NYAP2: variants seen among roughly 807,000 people sequenced by gnomAD.
NYAP2 encodes the protein neuronal tyrosine-phosphorylated phosphoinositide-3-kinase adapter 2.
NYAP2 carries 23 observed loss-of-function variants against 50.4 expected under a neutral mutation model. The ratio of observed to expected loss-of-function variants is 0.46; its 90% CI spans 0.33 to 0.65. The LOEUF (loss-of-function observed/expected upper bound fraction) is 0.65. NYAP2 is among the 30% of genes least tolerant of loss of function. The pLI is 0.02. For missense variants in NYAP2, 885 were observed against 861.0 expected, an observed-to-expected ratio of 1.03 and a Z score of -0.35; for synonymous variants, 394 against 365.2, an observed-to-expected ratio of 1.08 and a Z score of -0.90.
chr2:225,398,109 A>T (rs73994737), upstream of NYAP2, among the ~76,000 whole-genome samples: 2,435 of 152,036 alleles, frequency 0.016, 70 homozygotes, highest in African/African-American at 0.056. Flanking sequence ...TATGCTTGGC[A>T]ACTGTATGTC....
At chr2:225,400,869 C>A (rs1251947067) in exon 2 of NYAP2, 1 of 152,526 alleles carries the variant, frequency 6.6e-6, no homozygotes, top group Admixed American at 6.6e-5. Context: ...CTTTTCCCAT[C>A]CAGACACAAT....
At chr2:225,473,029 A>G (rs1690037862) in intron 3 of NYAP2, among the ~76,000 whole-genome samples, 2 of 152,134 alleles carry the variant, frequency 1.3e-5, no homozygotes, top group African/African-American at 4.8e-5. Flanking sequence ...TCATTGTTCA[A>G]TTCCCACATA....
At chr2:225,517,947 A>G (rs888061993) in intron 4 of NYAP2, among the ~76,000 whole-genome samples, 1 of 152,138 alleles carries the variant, frequency 6.6e-6, no homozygotes, top group African/African-American at 2.4e-5. Context: ...TAGAACTACC[A>G]TGTGATCCAG....
chr2:225,658,434 G>C (rs879461905), downstream of NYAP2, among the ~76,000 whole-genome samples: 22 of 152,098 alleles, frequency 1.4e-4, no homozygotes, highest in East Asian at 1.5e-3. Flanking sequence ...AAGAAATTAT[G>C]CTACAAAGAA....
chr2:225,617,562 C>CA (rs914486902), intron 5 of NYAP2, among the ~76,000 whole-genome samples: 15 of 151,846 alleles, frequency 9.9e-5, no homozygotes, highest in Non-Finnish European at 8.8e-5. Context: ...TTAAATATTG[C>CA]AAAAAAATAG....
chr2:225,565,197 T>C (rs748774400), intron 4 of NYAP2, among the ~76,000 whole-genome samples: 10 of 152,184 alleles, frequency 6.6e-5, no homozygotes, highest in Non-Finnish European at 1.2e-4. Context: ...GCATATGCTG[T>C]GATTTACTCC....
intron 3 of NYAP2, among the ~76,000 whole-genome samples, chr2:225,472,573 C>T (rs1358979566): frequency 6.6e-6 from 1 of 152,070 alleles, no homozygotes; most frequent in Non-Finnish European, 1.5e-5. Context: ...TAATTATGAC[C>T]CTGAGTAGTC....
At chr2:225,597,763 A>G (rs1559225838) in intron 5 of NYAP2, among the ~76,000 whole-genome samples, 1 of 151,586 alleles carries the variant, frequency 6.6e-6, no homozygotes, top group Non-Finnish European at 1.5e-5. Flanking sequence ...TTTACCTCAT[A>G]GGATTGTTGT....
chr2:225,574,918 T>A (rs1019724376), intron 4 of NYAP2, among the ~76,000 whole-genome samples: 6 of 152,152 alleles, frequency 3.9e-5, no homozygotes, highest in African/African-American at 1.4e-4. Context: ...CTGAGGCTTG[T>A]TTTCATTTTG....
At chr2:225,406,445 C>G (rs1694940693) in intron 2 of NYAP2, among the ~76,000 whole-genome samples, 1 of 151,848 alleles carries the variant, frequency 6.6e-6, no homozygotes, top group Admixed American at 6.6e-5. Context: ...TAAATCAACA[C>G]TAGTCACAAG....
rs141772171 is a variant in NYAP2, at chr2:225,500,408, G to C, written c.222-12963G>C. ...GTAGTTCATTTTTCACAATGATTCC[G>C]TAAATACATGGCTAGGATTTCTGGA... is the stretch of plus-strand genomic sequence containing the variant. On this transcript the variant is annotated intron_variant, in intron 3 of 6. Transcript: ENST00000636099. Among the ~76,000 whole-genome samples, 5 of 152,132 alleles carry C rather than the reference G, an allele frequency of 3.3e-5. No individual in the cohort carries two copies. In the East Asian group the frequency reaches 9.6e-4, roughly 29 times the overall value.
At chr2:225,589,063 C>A (rs1692442187) in intron 5 of NYAP2, among the ~76,000 whole-genome samples, 1 of 152,148 alleles carries the variant, frequency 6.6e-6, no homozygotes, top group Non-Finnish European at 1.5e-5. Context: ...CTCCTCTTCT[C>A]TTTTCACTCT....
chr2:225,455,421 A>C (rs974936113), intron 3 of NYAP2, among the ~76,000 whole-genome samples: 1 of 152,240 alleles, frequency 6.6e-6, no homozygotes, highest in African/African-American at 2.4e-5. Context: ...ACAATATACT[A>C]TTTAATGCCA....
At chr2:225,694,382 A>G in the NYAP2 span, among the ~76,000 whole-genome samples, 11,553 of 151,916 alleles carry the variant, frequency 0.076, 499 homozygotes, top group East Asian at 0.24. Flanking sequence ...TTTTATGGGT[A>G]GTATTTTTAA....
rs957506089 is a variant in NYAP2, at chr2:225,649,482, C to T, written c.1829-1950C>T. Among the ~76,000 whole-genome samples, 6 of 152,156 alleles carry T rather than the reference C, an allele frequency of 3.9e-5. No individual in the cohort carries two copies. In the East Asian group the frequency reaches 9.6e-4, roughly 24 times the overall value. ...GATACTCTGATAAATGATATCACAG[C>T]ACCCTCTACGTCTTCCTTCTAACAT... On this transcript the variant is annotated intron_variant, in intron 6 of 6. Coordinates refer to ENST00000636099, the Ensembl canonical transcript of NYAP2.
intron 5 of NYAP2, among the ~76,000 whole-genome samples, chr2:225,608,866 C>A (rs1692833064): frequency 6.6e-6 from 1 of 152,066 alleles, no homozygotes; most frequent in Non-Finnish European, 1.5e-5. Flanking sequence ...GGCCCCATTC[C>A]CTAGTCCAAA....
chr2:225,516,833 A>C (rs1191012908), intron 4 of NYAP2, among the ~76,000 whole-genome samples: 3 of 152,190 alleles, frequency 2.0e-5, no homozygotes, highest in African/African-American at 7.2e-5. Context: ...TTTTCTAGCT[A>C]TCAACAGTAT....
intron 4 of NYAP2, among the ~76,000 whole-genome samples, chr2:225,570,248 G>C (rs1232628461): frequency 2.0e-5 from 3 of 152,140 alleles, no homozygotes; most frequent in Non-Finnish European, 4.4e-5. Flanking sequence ...CCTTGGTACA[G>C]GTTTGGCCAC....
At chr2:225,694,863 T>C in the NYAP2 span, among the ~76,000 whole-genome samples, 1 of 151,864 alleles carries the variant, frequency 6.6e-6, no homozygotes, top group African/African-American at 2.4e-5. Context: ...GCTTTTTTCA[T>C]GGAAGTTTAT....
Sources: gnomAD v4.1 joint callset for allele counts (sites outside exome capture counted in the v4.1 genomes callset) on GRCh38, gnomAD v4.1.1 for gene constraint, MANE v1.5 for transcripts, NCBI Gene and HGNC (gene_info 2026-07-23, HGNC 2026-07-21) for gene names.